TENM3: variants seen among roughly 807,000 people sequenced by gnomAD.
The protein encoded by TENM3 is teneurin transmembrane protein 3.
Under a neutral mutation model 255.1 loss-of-function variants are expected in TENM3, and 63 were observed. That is an observed-to-expected ratio of 0.25 (90% CI 0.20 to 0.30). The LOEUF is 0.30. TENM3 is among the 10% of genes least tolerant of loss of function. The probability of loss-of-function intolerance (pLI) is 1.00; values close to 1 mark genes in which losing one functional copy is unlikely to be tolerated. For synonymous variants in TENM3, 1,306 were observed against 1,322.3 expected, an observed-to-expected ratio of 0.99 and a Z score of 0.27; for missense variants, 2,929 against 3,461.1, an observed-to-expected ratio of 0.85 and a Z score of 3.86.
the TENM3 span, among the ~76,000 whole-genome samples, chr4:181,870,327 T>C: frequency 6.6e-6 from 1 of 152,276 alleles, no homozygotes; most frequent in Non-Finnish European, 1.5e-5. Flanking sequence ...TGTATTCATT[T>C]CTCTGGGGAT....
intron 3 of TENM3, among the ~76,000 whole-genome samples, chr4:182,445,884 G>T (rs950691664): frequency 6.6e-6 from 1 of 152,152 alleles, no homozygotes; most frequent in African/African-American, 2.4e-5. Context: ...TATAGAAGGC[G>T]ATATCCATAA....
chr4:182,485,418 C>A (rs1053611860), intron 3 of TENM3, among the ~76,000 whole-genome samples: 1 of 152,066 alleles, frequency 6.6e-6, no homozygotes, highest in Non-Finnish European at 1.5e-5. Context: ...ATTTATCATC[C>A]TCATCCAGTA....
chr4:182,239,764 T>G (rs549935017), upstream of TENM3, among the ~76,000 whole-genome samples: 1 of 151,498 alleles, frequency 6.6e-6, no homozygotes, highest in South Asian at 2.1e-4. Context: ...ATTTGTTGCT[T>G]ATAGTAATAC....
At chr4:182,437,259 C>T (rs1211687207) in intron 3 of TENM3, among the ~76,000 whole-genome samples, 2 of 152,092 alleles carry the variant, frequency 1.3e-5, no homozygotes, top group Non-Finnish European at 2.9e-5. Flanking sequence ...AATAAACAAA[C>T]CAAAGCTTGA....
chr4:182,608,889 A>T (rs921528996), intron 4 of TENM3, among the ~76,000 whole-genome samples: 1 of 152,174 alleles, frequency 6.6e-6, no homozygotes, highest in African/African-American at 2.4e-5. Context: ...TGGGTCAGCC[A>T]GGGGCTCAGG....
At chr4:181,896,100 C>T in the TENM3 span, among the ~76,000 whole-genome samples, 7 of 152,130 alleles carry the variant, frequency 4.6e-5, no homozygotes, top group Non-Finnish European at 1.0e-4. Context: ...GCTTTCCTCC[C>T]CACTCCACTT....
chr4:182,344,773 A>T (rs760823418), intron 2 of TENM3, among the ~76,000 whole-genome samples: 1 of 152,172 alleles, frequency 6.6e-6, no homozygotes, highest in African/African-American at 2.4e-5. Context: ...TTTGATGGCA[A>T]TATCTACACG....
the TENM3 span, among the ~76,000 whole-genome samples, chr4:181,783,720 G>GCCT: frequency 1.3e-5 from 2 of 152,078 alleles, no homozygotes; most frequent in African/African-American, 4.8e-5. Context: ...TAGAGACAGG[G>GCCT]CCTCCCTCTG....
At chr4:181,818,609 CTCT>C in the TENM3 span, among the ~76,000 whole-genome samples, 1 of 120,666 alleles carries the variant, frequency 8.3e-6, no homozygotes, top group Non-Finnish European at 1.7e-5. Flanking sequence ...TGCAGTAAAT[CTCT>C]TTTTTTTTTT....
At chr4:181,766,962 A>C in the TENM3 span, among the ~76,000 whole-genome samples, 3 of 152,044 alleles carry the variant, frequency 2.0e-5, no homozygotes, top group Non-Finnish European at 4.4e-5. Context: ...TTCAAAACTT[A>C]AAACCAGAGG....
At chr4:181,586,646 C>T in the TENM3 span, among the ~76,000 whole-genome samples, 3 of 152,046 alleles carry the variant, frequency 2.0e-5, no homozygotes, top group Non-Finnish European at 4.4e-5. Context: ...TCAAGACCAG[C>T]CTGGCCAACA....
the TENM3 span, among the ~76,000 whole-genome samples, chr4:181,482,904 C>A: frequency 6.6e-6 from 1 of 152,108 alleles, no homozygotes; most frequent in African/African-American, 2.4e-5. Context: ...TCTTGACATA[C>A]GGTGTTCGGC....
chr4:181,526,554 A>G, the TENM3 span, among the ~76,000 whole-genome samples: 4 of 152,162 alleles, frequency 2.6e-5, no homozygotes, highest in African/African-American at 9.7e-5. Context: ...CATCTTATCT[A>G]TCCATCTGGG....
chr4:181,606,097 C>G, the TENM3 span, among the ~76,000 whole-genome samples: 1 of 152,128 alleles, frequency 6.6e-6, no homozygotes, highest in African/African-American at 2.4e-5. Context: ...TCAATTCTAC[C>G]CTCAGATTAC....
the TENM3 span, among the ~76,000 whole-genome samples, chr4:181,904,514 G>A: frequency 6.6e-6 from 1 of 152,050 alleles, no homozygotes; most frequent in Non-Finnish European, 1.5e-5. Context: ...TTCAAAAAAC[G>A]ATTCCAAGGA....
chr4:182,025,993 A>C, the TENM3 span, among the ~76,000 whole-genome samples: 1 of 152,108 alleles, frequency 6.6e-6, no homozygotes, highest in African/African-American at 2.4e-5. Flanking sequence ...ACCTCCTGAC[A>C]GGCCCTGGTG....
At chr4:182,115,666 G>A in the TENM3 span, among the ~76,000 whole-genome samples, 1 of 152,170 alleles carries the variant, frequency 6.6e-6, no homozygotes, top group Admixed American at 6.5e-5. Flanking sequence ...TAGCAAGGCA[G>A]CTTTCTCTTT....
At chr4:182,517,375 C>G (rs1233982566) in intron 3 of TENM3, among the ~76,000 whole-genome samples, 4 of 133,468 alleles carry the variant, frequency 3.0e-5, no homozygotes, top group Non-Finnish European at 6.3e-5. Flanking sequence ...AAACAAAGTT[C>G]ATTCTTTTTT....
chr4:181,646,987 C>T, the TENM3 span, among the ~76,000 whole-genome samples: 17 of 152,122 alleles, frequency 1.1e-4, no homozygotes, highest in Admixed American at 6.5e-4. Flanking sequence ...TTTAAAATGA[C>T]GCATTTTCGT....
Sources: gnomAD v4.1 joint callset for allele counts (sites outside exome capture counted in the v4.1 genomes callset) on GRCh38, gnomAD v4.1.1 for gene constraint, MANE v1.5 for transcripts, NCBI Gene and HGNC (gene_info 2026-07-23, HGNC 2026-07-21) for gene names.